The following PRELID2 variants were observed in gnomAD, a reference collection of about 807,000 sequenced individuals.
PRELID2 encodes the protein PRELI domain containing 2.
PRELID2 carries 25 observed loss-of-function variants against 28.4 expected under a neutral mutation model. The observed-to-expected ratio is 0.88, with a 90% CI of 0.64 to 1.23. PRELID2 has a LOEUF of 1.23. Ranked by LOEUF, PRELID2 falls within the 50% of genes most tolerant of loss-of-function variation. The probability of loss-of-function intolerance (pLI) is 0.00; values close to 1 mark genes in which losing one functional copy is unlikely to be tolerated. For missense variants in PRELID2, 201 were observed against 214.4 expected (o/e 0.94, Z 0.39); for synonymous variants, 76 against 71.6 (o/e 1.06, Z -0.31).
At chr5:145,330,087 G>A in the PRELID2 span, among the ~76,000 whole-genome samples, 1 of 152,052 alleles carries the variant, frequency 6.6e-6, no homozygotes, top group Non-Finnish European at 1.5e-5. Flanking sequence ...TTTGATTTGT[G>A]TACGTTGAAC....
In PRELID2 at chr5:145,801,798, T is replaced by A. The variant is rs1753159123; in HGVS notation, c.369-5251A>T. On this transcript the variant is annotated intron_variant, in intron 4 of 6. Transcript: ENST00000683046. Reference sequence around the variant, plus strand: ...TTAGAAATCTTAGCAACATGTTAGATGGTCCCCTCTCTAGAATCAATCTAA... The same window carrying A: ...TTAGAAATCTTAGCAACATGTTAGAAGGTCCCCTCTCTAGAATCAATCTAA... 3.3e-5 allele frequency among the ~76,000 whole-genome samples: 5 copies of A among 152,234 alleles called. No individual in the cohort carries two copies. The South Asian group carries it at 1.0e-3, about 32-fold the overall frequency.
intron 5 of PRELID2, among the ~76,000 whole-genome samples, chr5:145,779,532 T>TTAC (rs1758648179): frequency 8.2e-6 from 1 of 121,514 alleles, no homozygotes; most frequent in Admixed American, 8.5e-5. Context: ...AAAGGGATTA[T>TTAC]AAAATATTAC....
At chr5:145,286,696 G>GTTT in the PRELID2 span, among the ~76,000 whole-genome samples, 18 of 116,990 alleles carry the variant, frequency 1.5e-4, no homozygotes, top group African/African-American at 7.1e-4. Flanking sequence ...CAACATAGAA[G>GTTT]TTTTTGTTTT....
At chr5:145,396,749 GAATA>G in the PRELID2 span, among the ~76,000 whole-genome samples, 3 of 151,964 alleles carry the variant, frequency 2.0e-5, no homozygotes, top group Non-Finnish European at 1.5e-5. Context: ...AACACAGAAA[GAATA>G]AATGCTATGG....
At chr5:145,430,543 T>TGGTC in the PRELID2 span, among the ~76,000 whole-genome samples, 1 of 152,266 alleles carries the variant, frequency 6.6e-6, no homozygotes, top group Non-Finnish European at 1.5e-5. Context: ...TGTCTAGGCC[T>TGGTC]GGTCATGTGT....
the PRELID2 span, among the ~76,000 whole-genome samples, chr5:145,439,196 C>G: frequency 2.6e-5 from 4 of 152,098 alleles, no homozygotes; most frequent in Non-Finnish European, 5.9e-5. Context: ...GATTGGCTCA[C>G]TTCAAGTTTC....
At chr5:145,768,539 CTTCT>C (rs1455850377) in intron 5 of PRELID2, among the ~76,000 whole-genome samples, 74 of 152,234 alleles carry the variant, frequency 4.9e-4, no homozygotes, top group Non-Finnish European at 7.8e-4. Flanking sequence ...AATTAAATGT[CTTCT>C]TTCTATTTTC....
intron 1 of PRELID2, among the ~76,000 whole-genome samples, chr5:145,530,739 C>T (rs1328217810): frequency 6.6e-6 from 1 of 152,034 alleles, no homozygotes; most frequent in Non-Finnish European, 1.5e-5. Context: ...CAATCACTAA[C>T]TTAGAAAAAG....
chr5:145,596,862 A>G (rs547934216), intron 1 of PRELID2, among the ~76,000 whole-genome samples: 7 of 152,310 alleles, frequency 4.6e-5, no homozygotes, highest in Non-Finnish European at 1.0e-4. Flanking sequence ...GAATTAAAAT[A>G]TTTTATGCTA....
intron 4 of PRELID2, among the ~76,000 whole-genome samples, chr5:145,807,841 A>T (rs1281862676): frequency 6.6e-6 from 1 of 152,182 alleles, no homozygotes; most frequent in Non-Finnish European, 1.5e-5. Context: ...TGCTACATAC[A>T]GGGGATACAG....
At chr5:145,291,770 G>T in the PRELID2 span, among the ~76,000 whole-genome samples, 1 of 151,982 alleles carries the variant, frequency 6.6e-6, no homozygotes, top group African/African-American at 2.4e-5. Context: ...TTTACACTTA[G>T]ATCTATGATC....
chr5:145,709,642 T>A (rs918937751), intron 1 of PRELID2, among the ~76,000 whole-genome samples: 5 of 151,836 alleles, frequency 3.3e-5, no homozygotes, highest in Admixed American at 1.3e-4. Flanking sequence ...CATTTTTCAA[T>A]TTTTTAATAA....
chr5:145,287,255 A>C, the PRELID2 span, among the ~76,000 whole-genome samples: 4 of 152,158 alleles, frequency 2.6e-5, no homozygotes, highest in African/African-American at 9.7e-5. Context: ...TTTAATTTAT[A>C]AATTAGGCAC....
At chr5:145,394,355 T>C in the PRELID2 span, among the ~76,000 whole-genome samples, 3 of 147,996 alleles carry the variant, frequency 2.0e-5, no homozygotes, top group Admixed American at 1.4e-4. Context: ...ACACTGCATG[T>C]TCTCACTCAT....
At chr5:145,699,160 G>A (rs974692382) in intron 1 of PRELID2, among the ~76,000 whole-genome samples, 13 of 152,246 alleles carry the variant, frequency 8.5e-5, no homozygotes, top group African/African-American at 1.9e-4. Context: ...TAGTAACAGC[G>A]TACCTAGTTC....
chr5:145,243,184 T>C, the PRELID2 span, among the ~76,000 whole-genome samples: 8,310 of 152,140 alleles, frequency 0.055, 403 homozygotes, highest in African/African-American at 0.13. Context: ...GTGTAATTTT[T>C]ATGCTCAATT....
chr5:145,399,477 C>T, the PRELID2 span, among the ~76,000 whole-genome samples: 1 of 152,254 alleles, frequency 6.6e-6, no homozygotes, highest in South Asian at 2.1e-4. Flanking sequence ...GAAATTCTGT[C>T]ACTCCATCCA....
intron 1 of PRELID2, among the ~76,000 whole-genome samples, chr5:145,715,542 A>T (rs992174205): frequency 2.0e-5 from 3 of 152,176 alleles, no homozygotes; most frequent in African/African-American, 7.2e-5. Flanking sequence ...CAATGCTTCC[A>T]TCCCACTTAG....
chr5:145,570,048 T>C (rs1753003514), intron 1 of PRELID2, among the ~76,000 whole-genome samples: 1 of 152,208 alleles, frequency 6.6e-6, no homozygotes, highest in South Asian at 2.1e-4. Context: ...TCCCAGCTTC[T>C]GGTTGTTCGC....
Sources: allele counts gnomAD v4.1 joint callset (sites outside exome capture counted in the v4.1 genomes callset), GRCh38; gene constraint gnomAD v4.1.1; transcripts MANE v1.5; gene names NCBI Gene and HGNC (gene_info 2026-07-23, HGNC 2026-07-21).